Variants in IDO2 observed in about 807,000 individuals in gnomAD.
IDO2 encodes the protein indoleamine 2,3-dioxygenase-like 1 protein.
Under a neutral mutation model 45.1 loss-of-function variants are expected in IDO2, and 46 were observed. The observed-to-expected ratio is 1.02, with a 90% CI of 0.80 to 1.30. The LOEUF (loss-of-function observed/expected upper bound fraction) is 1.30, where lower values mean the gene tolerates loss of function less well. IDO2 is among the 50% of genes most tolerant of loss of function. IDO2 has a pLI of 0.00. For missense variants in IDO2, 544 were observed against 491.8 expected, an observed-to-expected ratio of 1.11 and a Z score of -1.00; for synonymous variants, 218 against 184.9, an observed-to-expected ratio of 1.18 and a Z score of -1.45.
At position 39,985,530 on chromosome 8, in the gene IDO2, C is replaced by G; in HGVS notation, c.449+8C>G. 6.4e-7 allele frequency: 1 copy of G among 1,562,830 alleles called. No individual in the cohort carries two copies. Among genetic ancestry groups the G allele is most frequent in the African/African-American group, 1.4e-5 (1 of 73,572 alleles). ...TAGATTCCTGGAAATTGGGTAAGTT[C>G]TCAGAAATCATTTACGCACTTTAGA... On this transcript the variant is annotated splice_region_variant and intron_variant, in intron 6 of 10. Transcript: ENST00000502986.
At chr8:40,002,497 T>A (rs1200203613) in intron 8 of IDO2, among the ~76,000 whole-genome samples, 2 of 152,182 alleles carry the variant, frequency 1.3e-5, no homozygotes, top group South Asian at 2.1e-4. Context: ...AGTTCCATTT[T>A]AAAAATCTAT....
intron 9 of IDO2, among the ~76,000 whole-genome samples, chr8:40,006,433 T>C (rs541245586): frequency 1.3e-5 from 2 of 152,310 alleles, no homozygotes; most frequent in East Asian, 1.9e-4. Flanking sequence ...ATTTTTTGTC[T>C]TATGATATTT....
At chr8:39,967,144 CAA>C (rs1051823194) in intron 3 of IDO2, among the ~76,000 whole-genome samples, 2 of 151,986 alleles carry the variant, frequency 1.3e-5, no homozygotes, top group African/African-American at 4.8e-5. Context: ...AAAGAAAAAT[CAA>C]AGAGTGCAAA....
exon 11 of IDO2, chr8:40,015,519 G>T: frequency 6.2e-7 from 1 of 1,614,002 alleles, no homozygotes; most frequent in African/African-American, 1.3e-5. Context: ...AAAAGACAGG[G>T]GCACAGGTGG....
At chr8:40,001,137 TC>T in intron 8 of IDO2, among the ~76,000 whole-genome samples, 1 of 152,236 alleles carries the variant, frequency 6.6e-6, no homozygotes, top group Non-Finnish European at 1.5e-5. Context: ...CCAGCTGATT[TC>T]CCTGATTTCT....
Position 40,015,555 on chromosome 8 carries a change from A to G in IDO2, c.1177A>G (p.Ser393Gly), listed in dbSNP as rs368255551. The stretch of plus-strand genomic sequence containing the variant: ...AACCGCAGTTATGAGCTTTCTTAAG[A>G]GTGTCAGGGATAAGACCTTGGAGTC... Residue 393 changes from serine to glycine, a missense_variant, in exon 11 of 11, where the codon AGT becomes GGT. Coordinates refer to ENST00000502986, the Ensembl canonical transcript of IDO2. 1 of 1,613,784 alleles carries G rather than the reference A, an allele frequency of 6.2e-7. No homozygotes were observed. Among genetic ancestry groups the G allele is most frequent in the African/African-American group, 1.3e-5 (1 of 74,918 alleles).
intron 1 of IDO2, among the ~76,000 whole-genome samples, chr8:39,947,272 C>T (rs1481723703): frequency 6.6e-6 from 1 of 151,740 alleles, no homozygotes; most frequent in Non-Finnish European, 1.5e-5. Flanking sequence ...AGACTTTCCT[C>T]CCCGTCTAAT....
At chr8:39,959,009 G>C (rs938493175) in intron 2 of IDO2, among the ~76,000 whole-genome samples, 4 of 152,166 alleles carry the variant, frequency 2.6e-5, no homozygotes, top group Non-Finnish European at 5.9e-5. Flanking sequence ...TCACTTTACG[G>C]TGACTAAAAC....
intron 8 of IDO2, among the ~76,000 whole-genome samples, chr8:39,995,791 AAGGGAC>A (rs1193341634): frequency 1.4e-5 from 2 of 144,784 alleles, no homozygotes; most frequent in Admixed American, 7.0e-5. Context: ...ATAGGAGCTA[AAGGGAC>A]AGGGTGAGAA....
chr8:39,938,422 T>C (rs1430405352), intron 1 of IDO2, among the ~76,000 whole-genome samples: 1 of 152,288 alleles, frequency 6.6e-6, no homozygotes, highest in South Asian at 2.1e-4. Flanking sequence ...TTTATTTCAT[T>C]TAATAATTAT....
chr8:40,000,961 T>A (rs1409037090), intron 8 of IDO2, among the ~76,000 whole-genome samples: 1 of 152,220 alleles, frequency 6.6e-6, no homozygotes, highest in Non-Finnish European at 1.5e-5. Flanking sequence ...ATGGTTTTAC[T>A]TTGCATTTCT....
At chr8:39,980,959 C>G (rs186043759) in intron 4 of IDO2, among the ~76,000 whole-genome samples, 3 of 152,006 alleles carry the variant, frequency 2.0e-5, no homozygotes, top group Non-Finnish European at 2.9e-5. Context: ...ACCACGTTGG[C>G]CAGGCTGATC....
At chr8:40,004,222 A>T (rs1468332754) in intron 8 of IDO2, among the ~76,000 whole-genome samples, 1 of 152,234 alleles carries the variant, frequency 6.6e-6, no homozygotes, top group African/African-American at 2.4e-5. Flanking sequence ...ACCACCAAGG[A>T]GCATCTGAAG....
intron 2 of IDO2, among the ~76,000 whole-genome samples, chr8:39,958,054 C>T (rs545637934): frequency 2.9e-4 from 43 of 147,164 alleles, no homozygotes; most frequent in African/African-American, 8.6e-4. Flanking sequence ...TACAGGGACC[C>T]GCCACCATGC....
chr8:39,956,991 C>A (rs958213194), intron 2 of IDO2, among the ~76,000 whole-genome samples: 2 of 127,250 alleles, frequency 1.6e-5, no homozygotes, highest in Non-Finnish European at 3.1e-5. Flanking sequence ...TGCAGTGAAC[C>A]GAGCTCACAC....
exon 10 of IDO2, chr8:40,013,695 C>A: frequency 7.5e-6 from 12 of 1,607,366 alleles, no homozygotes; most frequent in Non-Finnish European, 1.0e-5. Flanking sequence ...CTTAGGCATT[C>A]GTCATAGCAA....
chr8:40,012,322 A>C (rs2981157), intron 9 of IDO2, among the ~76,000 whole-genome samples: 84,875 of 152,038 alleles, frequency 0.56, 24,715 homozygotes, highest in South Asian at 0.71. Context: ...ATGGAAATCC[A>C]CATATGGGGT....
chr8:39,943,798 T>G (rs546215744), intron 1 of IDO2, among the ~76,000 whole-genome samples: 6 of 150,626 alleles, frequency 4.0e-5, no homozygotes, highest in Admixed American at 6.6e-5. Flanking sequence ...GGTGAACAGT[T>G]GAATGCTTTC....
intron 1 of IDO2, among the ~76,000 whole-genome samples, chr8:39,936,576 C>T (rs987932145): frequency 6.6e-6 from 1 of 152,130 alleles, no homozygotes; most frequent in African/African-American, 2.4e-5. Flanking sequence ...ACCCCCAGAC[C>T]CAGGGCTTAT....
Sources: gnomAD v4.1 joint callset for allele counts (sites outside exome capture counted in the v4.1 genomes callset) on GRCh38, gnomAD v4.1.1 for gene constraint, MANE v1.5 for transcripts, NCBI Gene and HGNC (gene_info 2026-07-23, HGNC 2026-07-21) for gene names.